LRRIQ3: variants seen among roughly 807,000 people sequenced by gnomAD.
LRRIQ3 encodes leucine-rich repeat and IQ domain-containing protein 3.
Under a neutral mutation model 59.3 loss-of-function variants are expected in LRRIQ3, and 75 were observed. The observed-to-expected ratio is 1.26, with a 90% CI of 1.05 to 1.53. The LOEUF is 1.53. LRRIQ3 is among the 40% of genes most tolerant of loss of function. The pLI, the probability that LRRIQ3 is intolerant of heterozygous loss-of-function variation, is 0.00. For missense variants in LRRIQ3, 831 were observed against 710.0 expected (o/e 1.17, Z -1.94); for synonymous variants, 250 against 231.3 (o/e 1.08, Z -0.73).
At chr1:74,042,747 T>G (rs1654085183) in intron 6 of LRRIQ3, among the ~76,000 whole-genome samples, 1 of 152,098 alleles carries the variant, frequency 6.6e-6, no homozygotes, top group African/African-American at 2.4e-5. Context: ...ACAGACAAAA[T>G]TACTAAAACT....
chr1:74,027,395 C>T (rs74457443), intron 7 of LRRIQ3, among the ~76,000 whole-genome samples: 12 of 152,118 alleles, frequency 7.9e-5, no homozygotes, highest in Middle Eastern at 3.4e-3. Flanking sequence ...GTAGTTAAGG[C>T]TAAATGACAT....
intron 6 of LRRIQ3, chr1:74,050,632 C>T: frequency 1.0e-6 from 1 of 959,486 alleles, no homozygotes; most frequent in Non-Finnish European, 1.2e-6. Context: ...TTTGAATGCT[C>T]ACAAGTGGGT....
At chr1:74,047,714 T>C (rs939928467) in intron 6 of LRRIQ3, among the ~76,000 whole-genome samples, 12 of 152,084 alleles carry the variant, frequency 7.9e-5, no homozygotes, top group African/African-American at 2.9e-4. Context: ...ACCAAATTTG[T>C]TGGTGTCTTG....
Position 74,183,590 on chromosome 1 carries a change from A to C in LRRIQ3, c.95T>G (p.Phe32Cys). The stretch of plus-strand genomic sequence containing the variant: ...TAAATGAAGGCCATTGAACTTCACA[A>C]AAACAAAATCTTTTTGACCTTCTCT... ...NIREGQKDFV[F>C]VKFNGLHLKS... The change falls in exon 2 of 8, where the codon TTT (phenylalanine) becomes TGT (cysteine). Residue 32 changes from phenylalanine to cysteine, a missense_variant. Phe to Cys is a radical substitution (Grantham distance 205). Transcript: ENST00000354431. The C allele has an allele frequency of 6.2e-7, 1 of 1,612,144 alleles. No homozygotes were observed. Among genetic ancestry groups the C allele is most frequent in the Non-Finnish European group, 8.5e-7 (1 of 1,178,800 alleles).
At chr1:74,175,975 G>A (rs751031080) in intron 3 of LRRIQ3, among the ~76,000 whole-genome samples, 2 of 152,118 alleles carry the variant, frequency 1.3e-5, no homozygotes, top group South Asian at 2.1e-4. Flanking sequence ...CTGAGACAGT[G>A]TTATAATTTT....
At chr1:74,156,131 C>T (rs1648311166) in intron 3 of LRRIQ3, among the ~76,000 whole-genome samples, 2 of 152,160 alleles carry the variant, frequency 1.3e-5, no homozygotes, top group African/African-American at 4.8e-5. Flanking sequence ...TTAGTGTCAT[C>T]CCTTTGATGA....
chr1:74,141,917 C>T (rs567817226), intron 4 of LRRIQ3, among the ~76,000 whole-genome samples: 1 of 151,712 alleles, frequency 6.6e-6, no homozygotes, highest in East Asian at 1.9e-4. Context: ...CCACTTCTTC[C>T]CCTAAAGAAT....
rs1488997018 is a variant in LRRIQ3 at position 74,182,584 on chromosome 1, G to T, written c.527C>A (p.Ala176Glu). The change falls in exon 3 of 8, where the codon GCA becomes GAA. Residue 176 changes from alanine to glutamate, a missense_variant. By Grantham distance (107) the Ala-to-Glu change is moderately radical. Coordinates refer to ENST00000354431, the MANE Select transcript of LRRIQ3 (RefSeq NM_001105659.2). ...ATTAAAGAAAAGTCGATGGTTACAT[G>T]CTTTGAATCTTTCAGGAAGATGCCA... is the stretch of plus-strand genomic sequence containing the variant. ...QNWHLPERFK[A>E]CNHRLFFNFC... The T allele has an allele frequency of 6.2e-7, 1 of 1,602,400 alleles. No individual in the cohort carries two copies. The highest frequency in any genetic ancestry group is 8.5e-7 in the Non-Finnish European group (1 of 1,174,460).
chr1:74,091,499 A>C (rs1328900079), intron 5 of LRRIQ3, among the ~76,000 whole-genome samples: 2 of 152,140 alleles, frequency 1.3e-5, no homozygotes, highest in African/African-American at 4.8e-5. Flanking sequence ...GAAAGAACAA[A>C]AAATTAAAAT....
chr1:74,134,623 A>G (rs1322006064), intron 4 of LRRIQ3, among the ~76,000 whole-genome samples: 3 of 152,012 alleles, frequency 2.0e-5, no homozygotes. Context: ...AAAGGAAGGT[A>G]GAGGGATTTA....
intron 4 of LRRIQ3, among the ~76,000 whole-genome samples, chr1:74,134,853 A>G (rs1647095404): frequency 6.6e-6 from 1 of 151,936 alleles, no homozygotes; most frequent in Non-Finnish European, 1.5e-5. Context: ...TACATGTGAT[A>G]TATAAAAACC....
chr1:74,060,206 CTT>C (rs1654670214), intron 6 of LRRIQ3, among the ~76,000 whole-genome samples: 1 of 49,216 alleles, frequency 2.0e-5, no homozygotes, highest in Admixed American at 2.3e-4. Flanking sequence ...TCTTCTTCTT[CTT>C]CTTCTTCTTC....
Position 74,041,948 on chromosome 1 carries a change from A to G in LRRIQ3, c.998-15T>C. 6.4e-7 allele frequency: 1 copy of G among 1,569,972 alleles called. No individual in the cohort carries two copies. The highest frequency in any genetic ancestry group is 1.7e-4 in the Middle Eastern group (1 of 5,760). On this transcript the variant is annotated splice_polypyrimidine_tract_variant and intron_variant, in intron 6 of 7. Coordinates refer to ENST00000354431, the MANE Select transcript of LRRIQ3 (RefSeq NM_001105659.2). ...AGACTCCTGACCTACATCAAACAGA[A>G]GCAAATATTATACATTATACAAGAG...
intron 5 of LRRIQ3, among the ~76,000 whole-genome samples, chr1:74,090,176 C>G (rs186953902): frequency 6.6e-6 from 1 of 151,894 alleles, no homozygotes; most frequent in Admixed American, 6.6e-5. Flanking sequence ...ATAACACTTC[C>G]AGAACTTTCA....
intron 5 of LRRIQ3, among the ~76,000 whole-genome samples, chr1:74,084,805 G>C (rs574883710): frequency 9.2e-5 from 14 of 151,706 alleles, no homozygotes; most frequent in African/African-American, 3.4e-4. Flanking sequence ...TAACCCTTAA[G>C]AATCTACTAT....
At chr1:74,121,390 G>C (rs1432855205) in intron 4 of LRRIQ3, among the ~76,000 whole-genome samples, 3 of 152,114 alleles carry the variant, frequency 2.0e-5, no homozygotes, top group African/African-American at 7.2e-5. Flanking sequence ...CTGCCAAAAA[G>C]GTGCAGAGGA....
Position 74,026,023 on chromosome 1 carries a change from T to A in LRRIQ3, c.*790A>T, listed in dbSNP as rs892296007. On this transcript the variant is annotated 3_prime_UTR_variant, in exon 8 of 8. Transcript: ENST00000354431. ...GCAAATTTTACAAAGGATTTTTCTGTCTTTTTTAACAGTTTATTTTTCAAA... is the reference window on the plus strand; with the variant it reads ...GCAAATTTTACAAAGGATTTTTCTGACTTTTTTAACAGTTTATTTTTCAAA... 1.3e-5 allele frequency: 2 copies of A among 152,044 alleles called. No individual in the cohort carries two copies. Among genetic ancestry groups the A allele is most frequent in the Non-Finnish European group, 2.9e-5 (2 of 67,932 alleles). The allele number at this position is 152,044 out of a possible 1,614,324, so 9.4% of individuals were successfully genotyped here. A position where few individuals can be genotyped will look rare whatever the true frequency, so the allele number is the denominator to read the frequency against.
chr1:74,172,036 CTTGT>C (rs1205361442), intron 3 of LRRIQ3, among the ~76,000 whole-genome samples: 14 of 151,890 alleles, frequency 9.2e-5, no homozygotes, highest in South Asian at 4.1e-4. Flanking sequence ...GTTTGTCTAT[CTTGT>C]TTGTCTTTTT....
chr1:74,123,107 A>G (rs1646883857), intron 4 of LRRIQ3, among the ~76,000 whole-genome samples: 1 of 152,004 alleles, frequency 6.6e-6, no homozygotes, highest in South Asian at 2.1e-4. Flanking sequence ...TTTTTTGTTC[A>G]ACTTCTGTGT....
Sources: gnomAD v4.1 joint callset for allele counts (sites outside exome capture counted in the v4.1 genomes callset) on GRCh38, gnomAD v4.1.1 for gene constraint, MANE v1.5 for transcripts, NCBI Gene and HGNC (gene_info 2026-07-23, HGNC 2026-07-21) for gene names.